The following CHRM3 variants were observed in gnomAD, a reference collection of about 807,000 sequenced individuals.
CHRM3 encodes muscarinic acetylcholine receptor M3.
CHRM3 carries 11 observed loss-of-function variants against 41.8 expected under a neutral mutation model. The observed-to-expected ratio is 0.26, with a 90% CI of 0.17 to 0.44. CHRM3 has a LOEUF of 0.44. CHRM3 is among the 20% of genes least tolerant of loss of function. The pLI is 1.00. For missense variants in CHRM3, 571 were observed against 745.4 expected (o/e 0.77, Z 2.72); for synonymous variants, 297 against 301.4 (o/e 0.99, Z 0.15).
chr1:239,483,074 C>A (rs2148013210), intron 1 of CHRM3, among the ~76,000 whole-genome samples: 1 of 152,202 alleles, frequency 6.6e-6, no homozygotes, highest in Admixed American at 6.5e-5. Flanking sequence ...GGGTTCATCA[C>A]CATCTGAAAT....
At position 239,766,702 on chromosome 1, in the gene CHRM3, GAT is replaced by G. The variant is rs150705581; in HGVS notation, c.-146-60546_-146-60545del. ...AGATATAGATATAGATATAGATATA[GAT>G]ATAGATATAGATATAATTTTTCTTT... On this transcript the variant is annotated intron_variant, in intron 5 of 6. Coordinates refer to ENST00000676153, the MANE Select transcript of CHRM3 (RefSeq NM_001375978.1). 9.0e-4 allele frequency among the ~76,000 whole-genome samples: 119 copies of G among 132,352 alleles called. 1 individual carries two copies. The highest frequency in any genetic ancestry group is 4.7e-3 in the African/African-American group (114 of 24,338). The allele number at this position is 132,352 out of a possible 152,430, so 86.8% of individuals were successfully genotyped here. A position where few individuals can be genotyped will look rare whatever the true frequency, so the allele number is the denominator to read the frequency against.
At chr1:239,775,549 T>C (rs1668023372) in intron 5 of CHRM3, among the ~76,000 whole-genome samples, 1 of 152,218 alleles carries the variant, frequency 6.6e-6, no homozygotes, top group Non-Finnish European at 1.5e-5. Flanking sequence ...TTCCAAAATC[T>C]CAGTGCCAAG....
intron 5 of CHRM3, among the ~76,000 whole-genome samples, chr1:239,724,534 G>A (rs1345263297): frequency 6.6e-6 from 1 of 151,872 alleles, no homozygotes; most frequent in Non-Finnish European, 1.5e-5. Flanking sequence ...TATCAGTAGG[G>A]CTGTTGGGAG....
At chr1:239,553,571 C>T (rs1006379745) in intron 3 of CHRM3, among the ~76,000 whole-genome samples, 3 of 152,132 alleles carry the variant, frequency 2.0e-5, no homozygotes, top group Admixed American at 6.6e-5. Flanking sequence ...ATGTAAATGC[C>T]GTGAAATCAA....
chr1:239,587,383 A>AAATATGGT lies in CHRM3; in HGVS notation c.-313+41636_-313+41643dup, dbSNP rs1373011263. ...CGTCAGCTTCTTTCCTTTTGATGAA[A>AAATATGGT]AATATGGTAGCAAGAGAGATATAAG... On this transcript the variant is annotated intron_variant, in intron 3 of 6. Transcript: ENST00000676153. Among the ~76,000 whole-genome samples, 3 of 152,158 alleles carry AAATATGGT rather than the reference A, an allele frequency of 2.0e-5. No individual in the cohort carries two copies. The East Asian group carries it at 5.8e-4, about 29-fold the overall frequency.
chr1:239,800,109 A>G (rs576916193), intron 5 of CHRM3, among the ~76,000 whole-genome samples: 1 of 152,318 alleles, frequency 6.6e-6, no homozygotes, highest in African/African-American at 2.4e-5. Context: ...ATTTGTTAAT[A>G]GGTCTGGAAA....
chr1:239,447,726 A>G (rs1459166749), intron 1 of CHRM3, among the ~76,000 whole-genome samples: 5 of 152,194 alleles, frequency 3.3e-5, no homozygotes, highest in Admixed American at 2.6e-4. Context: ...CGGTGAGCTG[A>G]GATTGCACCA....
At chr1:239,559,523 G>A (rs570466619) in intron 3 of CHRM3, among the ~76,000 whole-genome samples, 1 of 152,186 alleles carries the variant, frequency 6.6e-6, no homozygotes, top group Non-Finnish European at 1.5e-5. Flanking sequence ...ACCCAAATTC[G>A]GAGGGGCTAA....
At chr1:239,827,007 T>C (rs1441665699) in intron 5 of CHRM3, 1 of 152,110 alleles carries the variant, frequency 6.6e-6, no homozygotes, top group Non-Finnish European at 1.5e-5. Context: ...AAAACCTGGA[T>C]GAAATGAAGC....
chr1:239,571,444 A>G (rs1005678751), intron 3 of CHRM3, among the ~76,000 whole-genome samples: 4 of 152,200 alleles, frequency 2.6e-5, no homozygotes, highest in African/African-American at 9.6e-5. Context: ...CAGCTGTGAA[A>G]TTGCAGAGCT....
At chr1:239,713,399 G>T (rs1572067512) in intron 5 of CHRM3, among the ~76,000 whole-genome samples, 1 of 152,076 alleles carries the variant, frequency 6.6e-6, no homozygotes, top group Non-Finnish European at 1.5e-5. Flanking sequence ...ATTGTGCCTG[G>T]CCCATTGCTC....
intron 1 of CHRM3, among the ~76,000 whole-genome samples, chr1:239,413,954 C>T (rs7519061): frequency 0.25 from 37,490 of 152,010 alleles, 4,914 homozygotes; most frequent in African/African-American, 0.33. Context: ...TGTAAGATAT[C>T]GAAATAACAC....
chr1:239,443,399 T>C (rs534432897), intron 1 of CHRM3, among the ~76,000 whole-genome samples: 2 of 152,176 alleles, frequency 1.3e-5, no homozygotes, highest in East Asian at 3.9e-4. Context: ...GAATGCAAAA[T>C]TGATATCAAT....
At chr1:239,838,873 A>G (rs1673548548) in intron 6 of CHRM3, among the ~76,000 whole-genome samples, 1 of 152,264 alleles carries the variant, frequency 6.6e-6, no homozygotes, top group Non-Finnish European at 1.5e-5. Context: ...CTTCTGAAAA[A>G]TACAGATAAA....
At chr1:239,534,561 T>A (rs1342649527) in intron 2 of CHRM3, among the ~76,000 whole-genome samples, 3 of 152,182 alleles carry the variant, frequency 2.0e-5, no homozygotes, top group African/African-American at 7.2e-5. Context: ...TTTTCAAAAA[T>A]TATTAAATCT....
At chr1:239,503,628 A>G (rs868768916) in intron 2 of CHRM3, among the ~76,000 whole-genome samples, 8 of 152,204 alleles carry the variant, frequency 5.3e-5, no homozygotes, top group South Asian at 4.1e-4. Flanking sequence ...AGCAAAAAGA[A>G]CAAATCTGGA....
chr1:239,763,276 T>C (rs1377441855), intron 5 of CHRM3, among the ~76,000 whole-genome samples: 1 of 152,208 alleles, frequency 6.6e-6, no homozygotes, highest in Non-Finnish European at 1.5e-5. Context: ...GTTATTAACA[T>C]TCACTAGATT....
At position 239,541,694 on chromosome 1, in the gene CHRM3, G is replaced by A. The variant is rs1211908682; in HGVS notation, c.-421-3947G>A. Among the ~76,000 whole-genome samples the A allele has an allele frequency of 2.6e-5, 4 of 151,930 alleles. No individual in the cohort carries two copies. The East Asian group carries it at 5.8e-4, about 22-fold the overall frequency. ...GCCAGGCTAATTTTTCTATGTTTTT[G>A]TAGAGACGGGGTTTCACCCTGTTGC... On this transcript the variant is annotated intron_variant, in intron 2 of 6. Coordinates refer to ENST00000676153, the MANE Select transcript of CHRM3 (RefSeq NM_001375978.1).
At chr1:239,593,482 A>T (rs567376234) in intron 3 of CHRM3, among the ~76,000 whole-genome samples, 20 of 40,938 alleles carry the variant, frequency 4.9e-4, no homozygotes, top group South Asian at 1.6e-3. Context: ...ATTTCTTTTT[A>T]AAAAAAAAAA....
Sources: gnomAD v4.1 joint callset for allele counts (sites outside exome capture counted in the v4.1 genomes callset) on GRCh38, gnomAD v4.1.1 for gene constraint, MANE v1.5 for transcripts, NCBI Gene and HGNC (gene_info 2026-07-23, HGNC 2026-07-21) for gene names.